The following ARHGAP42 variants were observed in gnomAD, a reference collection of about 807,000 sequenced individuals.
The protein encoded by ARHGAP42 is Rho GTPase activating protein 42.
ARHGAP42 carries 63 observed loss-of-function variants against 125.0 expected under a neutral mutation model. That is an observed-to-expected ratio of 0.50 (90% CI 0.41 to 0.62). ARHGAP42 has a LOEUF of 0.62. ARHGAP42 is among the 20% of genes least tolerant of loss of function. The pLI, the probability that ARHGAP42 is intolerant of heterozygous loss-of-function variation, is 0.00. For missense variants in ARHGAP42, 766 were observed against 1,024.2 expected (o/e 0.75, Z 3.44); for synonymous variants, 339 against 351.0 (o/e 0.97, Z 0.38).
chr11:100,794,211 TG>T (rs1863651087), intron 2 of ARHGAP42, among the ~76,000 whole-genome samples: 2 of 151,594 alleles, frequency 1.3e-5, no homozygotes, highest in African/African-American at 2.4e-5. Context: ...AAAATTGATA[TG>T]GGTGAATTAC....
chr11:100,687,754 G>A lies in ARHGAP42; in HGVS notation c.76G>A (p.Glu26Lys), dbSNP rs778929849. The change falls in exon 1 of 24, where the codon GAG becomes AAG. Residue 26 changes from glutamate (E) to lysine (K), a missense_variant. By Grantham distance (56) the Glu-to-Lys change is moderately conservative. Transcript: ENST00000298815. The part of the protein sequence containing the change: ...PDFRERLQCH[E>K]IELERTNKFI... ...TTTCAGGGAGCGCTTGCAGTGTCACGAGATTGAGCTGGAGCGAACCAACAA... is the reference window on the plus strand; with the variant it reads ...TTTCAGGGAGCGCTTGCAGTGTCACAAGATTGAGCTGGAGCGAACCAACAA... 1.3e-6 allele frequency: 2 copies of A among 1,550,792 alleles called. No individual in the cohort carries two copies. Among genetic ancestry groups the A allele is most frequent in the South Asian group, 1.2e-5 (1 of 84,008 alleles).
chr11:100,786,631 C>A lies in ARHGAP42; in HGVS notation c.251-8474C>A, dbSNP rs148570653. Reference sequence around the variant, plus strand: ...ATTACTAAGTTGTTTTAAGCTAGTTCTGGGAGAGTATCCTAAGGAAAAACT... The same window carrying A: ...ATTACTAAGTTGTTTTAAGCTAGTTATGGGAGAGTATCCTAAGGAAAAACT... On this transcript the variant is annotated intron_variant, in intron 2 of 23. Transcript: ENST00000298815. Among the ~76,000 whole-genome samples, 641 of 152,122 alleles carry A rather than the reference C, an allele frequency of 4.2e-3. 7 individuals are homozygous for A. The highest frequency in any genetic ancestry group is 0.013 in the African/African-American group (534 of 41,482).
intron 4 of ARHGAP42, among the ~76,000 whole-genome samples, chr11:100,873,018 C>T (rs1865732674): frequency 1.3e-5 from 2 of 152,154 alleles, no homozygotes; most frequent in African/African-American, 4.8e-5. Context: ...GTGGGAGGAA[C>T]AACTCACTCT....
At chr11:100,948,353 C>G (rs767107658) in intron 10 of ARHGAP42, 104 bp from the exon 11 acceptor site, 59 of 767,912 alleles carry the variant, frequency 7.7e-5, no homozygotes, top group Non-Finnish European at 1.0e-4. Flanking sequence ...GTCTTCATTT[C>G]TCTTTTCTCT....
chr11:100,848,518 TC>T (rs1363929229), intron 3 of ARHGAP42, among the ~76,000 whole-genome samples: 1 of 151,674 alleles, frequency 6.6e-6, no homozygotes, highest in Non-Finnish European at 1.5e-5. Flanking sequence ...TTTTTTTTTT[TC>T]CTGAGGTGGA....
intron 3 of ARHGAP42, among the ~76,000 whole-genome samples, chr11:100,829,647 G>A (rs188999755): frequency 1.3e-5 from 2 of 152,136 alleles, no homozygotes; most frequent in East Asian, 1.9e-4. Context: ...TTTTCATATT[G>A]TGCATGCATA....
At chr11:100,842,823 G>A (rs543486824) in intron 3 of ARHGAP42, among the ~76,000 whole-genome samples, 6 of 152,076 alleles carry the variant, frequency 3.9e-5, no homozygotes, top group South Asian at 2.1e-4. Flanking sequence ...CAAAGACGGC[G>A]CTAAGAGGAA....
At chr11:100,829,049 G>C (rs1864598172) in intron 3 of ARHGAP42, among the ~76,000 whole-genome samples, 1 of 152,176 alleles carries the variant, frequency 6.6e-6, no homozygotes, top group South Asian at 2.1e-4. Context: ...AGGCAGCCAA[G>C]GTGATGCCTC....
chr11:100,840,224 C>T (rs938795286), intron 3 of ARHGAP42, among the ~76,000 whole-genome samples: 51 of 152,258 alleles, frequency 3.3e-4, no homozygotes, highest in Admixed American at 3.3e-3. Context: ...TACAAAGTAA[C>T]GTCACAAAGC....
chr11:100,722,950 G>A (rs1861789904), intron 1 of ARHGAP42, among the ~76,000 whole-genome samples: 1 of 152,130 alleles, frequency 6.6e-6, no homozygotes, highest in African/African-American at 2.4e-5. Context: ...ATTTAGATCG[G>A]TGATCCATTT....
At chr11:100,806,934 G>A (rs1404851144) in intron 3 of ARHGAP42, among the ~76,000 whole-genome samples, 1 of 151,832 alleles carries the variant, frequency 6.6e-6, no homozygotes, top group Non-Finnish European at 1.5e-5. Context: ...TGCAACCTCT[G>A]CCTTCCGAGC....
chr11:100,722,393 C>CTT (rs199744764), intron 1 of ARHGAP42, among the ~76,000 whole-genome samples: 12 of 135,172 alleles, frequency 8.9e-5, no homozygotes, highest in East Asian at 2.2e-4. Context: ...AAATTTATTA[C>CTT]TTTTTTTTTT....
chr11:100,731,424 C>T (rs981861952), intron 1 of ARHGAP42, among the ~76,000 whole-genome samples: 8 of 152,190 alleles, frequency 5.3e-5, no homozygotes, highest in African/African-American at 1.7e-4. Flanking sequence ...GCAGGGATTA[C>T]AGGCGTGAGC....
chr11:100,888,835 C>T (rs1034454949), intron 4 of ARHGAP42, among the ~76,000 whole-genome samples: 4 of 152,080 alleles, frequency 2.6e-5, no homozygotes, highest in African/African-American at 9.7e-5. Context: ...GATGTGGTTC[C>T]ATTGTCACCT....
At chr11:100,935,238 TAGAGA>T (rs1444307171) in intron 7 of ARHGAP42, among the ~76,000 whole-genome samples, 3 of 152,134 alleles carry the variant, frequency 2.0e-5, no homozygotes, top group African/African-American at 7.2e-5. Flanking sequence ...GAGGTATTCA[TAGAGA>T]AAAGTCTGAT....
chr11:100,842,890 C>G (rs12269952), intron 3 of ARHGAP42, among the ~76,000 whole-genome samples: 1 of 151,930 alleles, frequency 6.6e-6, no homozygotes, highest in African/African-American at 2.4e-5. Flanking sequence ...AACAGACAAT[C>G]TAAGATCACA....
In ARHGAP42 at chr11:100,803,117, G is replaced by A. The variant is rs116786739; in HGVS notation, c.312+7951G>A. ...GATGTTGCTGTTTATGAAGATGCCT[G>A]TAATCTCAGCACTTTGGGAGGCCAA... On this transcript the variant is annotated intron_variant, in intron 3 of 23. Transcript: ENST00000298815. 3.9e-3 allele frequency among the ~76,000 whole-genome samples: 589 copies of A among 152,144 alleles called. 3 individuals are homozygous for A. The highest frequency in any genetic ancestry group is 0.014 in the African/African-American group (570 of 41,474).
At chr11:100,884,026 G>C (rs1866023456) in intron 4 of ARHGAP42, among the ~76,000 whole-genome samples, 1 of 152,176 alleles carries the variant, frequency 6.6e-6, no homozygotes. Context: ...TATGAGTCAT[G>C]CTACCTTAGG....
chr11:100,801,256 G>T (rs1392535244), intron 3 of ARHGAP42, among the ~76,000 whole-genome samples: 1 of 152,050 alleles, frequency 6.6e-6, no homozygotes, highest in Admixed American at 6.6e-5. Flanking sequence ...TTGGGGAGAA[G>T]AATATTTTTA....
Sources: gnomAD v4.1 joint callset for allele counts (sites outside exome capture counted in the v4.1 genomes callset) on GRCh38, gnomAD v4.1.1 for gene constraint, MANE v1.5 for transcripts, NCBI Gene and HGNC (gene_info 2026-07-23, HGNC 2026-07-21) for gene names.